The following PDZD2 variants were observed in gnomAD, a reference collection of about 807,000 sequenced individuals.
PDZD2 encodes PDZ domain containing 2, also known as PDZ domain-containing protein 2.
Under a neutral mutation model 220.7 loss-of-function variants are expected in PDZD2, and 90 were observed. The observed-to-expected ratio is 0.41, with a 90% confidence interval of 0.34 to 0.49. The LOEUF is 0.49. Ranked by LOEUF, PDZD2 falls within the 20% of genes least tolerant of loss-of-function variation. The probability of loss-of-function intolerance (pLI) is 0.28; values close to 1 mark genes in which losing one functional copy is unlikely to be tolerated. For synonymous variants in PDZD2, 1,375 were observed against 1,450.5 expected (o/e 0.95, Z 1.18); for missense variants, 3,174 against 3,608.5 (o/e 0.88, Z 3.08).
chr5:32,107,439 A>G (rs1744877342), intron 24 of PDZD2: 2 of 152,324 alleles, frequency 1.3e-5, no homozygotes, highest in South Asian at 4.1e-4. Flanking sequence ...TGCCTGTGGT[A>G]GCAGCTACTC....
intron 2 of PDZD2, chr5:31,843,471 T>G (rs1483901741): frequency 6.6e-6 from 1 of 152,198 alleles, no homozygotes; most frequent in Non-Finnish European, 1.5e-5. Flanking sequence ...TTCACCATGT[T>G]GGCCAGGCTG....
intron 2 of PDZD2, among the ~76,000 whole-genome samples, chr5:31,900,053 A>C (rs920611765): frequency 6.6e-6 from 1 of 152,228 alleles, no homozygotes; most frequent in East Asian, 1.9e-4. Flanking sequence ...GGAAGAATGC[A>C]TATAGAGGCG....
intron 1 of PDZD2, among the ~76,000 whole-genome samples, chr5:31,679,130 G>C (rs1028362978): frequency 4.6e-5 from 7 of 152,164 alleles, no homozygotes; most frequent in Non-Finnish European, 8.8e-5. Context: ...AAGGAGAAAG[G>C]CTCTCTGTTT....
Position 32,061,144 on chromosome 5 carries a change from T to G in PDZD2, c.2451+10T>G. ...GCACCCTAATCCAAAGGTGAGGTGG[T>G]CCACCCTCTTCTGAACGTGGGAAGA... On this transcript the variant is annotated intron_variant, in intron 14 of 24. Transcript: ENST00000438447. 6.2e-7 allele frequency: 1 copy of G among 1,613,698 alleles called. No homozygotes were observed.
intron 2 of PDZD2, among the ~76,000 whole-genome samples, chr5:31,863,915 A>G (rs1268728192): frequency 6.6e-6 from 1 of 152,240 alleles, no homozygotes; most frequent in East Asian, 1.9e-4. Flanking sequence ...CCAAATACAT[A>G]ACAGATATAT....
intron 1 of PDZD2, among the ~76,000 whole-genome samples, chr5:31,745,486 C>G (rs1372203601): frequency 6.6e-6 from 1 of 152,172 alleles, no homozygotes; most frequent in Non-Finnish European, 1.5e-5. Flanking sequence ...CTCCAAGAAG[C>G]TCTCACACAC....
At chr5:31,753,553 G>T (rs1040961371) in intron 1 of PDZD2, among the ~76,000 whole-genome samples, 1 of 152,136 alleles carries the variant, frequency 6.6e-6, no homozygotes, top group Non-Finnish European at 1.5e-5. Flanking sequence ...GTGGGCTGAG[G>T]TTGCACTACT....
intron 1 of PDZD2, among the ~76,000 whole-genome samples, chr5:31,659,996 A>G (rs995713540): frequency 3.3e-5 from 5 of 152,352 alleles, no homozygotes; most frequent in African/African-American, 1.2e-4. Flanking sequence ...GAGAAGAACC[A>G]AAAGCTCAGA....
chr5:31,946,457 C>G (rs1028567999), intron 2 of PDZD2, among the ~76,000 whole-genome samples: 13 of 152,204 alleles, frequency 8.5e-5, no homozygotes, highest in African/African-American at 3.1e-4. Context: ...TGGGTGGGGT[C>G]TAGAGTCATA....
chr5:31,869,024 C>T lies in PDZD2; in HGVS notation c.476+69300C>T, dbSNP rs542362464. Among the ~76,000 whole-genome samples the T allele has an allele frequency of 1.4e-4, 21 of 152,304 alleles. No individual in the cohort carries two copies. In the South Asian group the frequency reaches 1.7e-3, roughly 12 times the overall value. Reference sequence around the variant, plus strand: ...CTGGCCTCAAATGATCTGCCTGCTTCGGCCTCCCAAAGTTCTGGGATTACA... The same window carrying T: ...CTGGCCTCAAATGATCTGCCTGCTTTGGCCTCCCAAAGTTCTGGGATTACA... On this transcript the variant is annotated intron_variant, in intron 2 of 24. Coordinates refer to ENST00000438447, the MANE Select transcript of PDZD2 (RefSeq NM_178140.4).
intron 12 of PDZD2, 74 bp from the exon 13 acceptor site, chr5:32,059,165 C>A: frequency 1.3e-6 from 1 of 771,308 alleles, no homozygotes; most frequent in South Asian, 1.5e-5. Flanking sequence ...AATTCTGTTT[C>A]AAATCAGTTA....
In PDZD2 at chr5:32,057,745, T is replaced by C. The variant is rs755919584; in HGVS notation, c.1974+17T>C. On this transcript the variant is annotated intron_variant, in intron 11 of 24. Transcript: ENST00000438447. ...ACCTTTAAGGTAACAACATTCTTAT[T>C]GATCTCCTTTATCCTATTTTCCTTT... 2 of 1,517,198 alleles carry C rather than the reference T, an allele frequency of 1.3e-6. No homozygotes were observed. Among genetic ancestry groups the C allele is most frequent in the South Asian group, 2.3e-5 (2 of 87,530 alleles). The allele number at this position is 1,517,198 out of a possible 1,614,324, so 94.0% of individuals were successfully genotyped here. A position where few individuals can be genotyped will look rare whatever the true frequency, so the allele number is the denominator to read the frequency against.
chr5:31,839,896 T>A (rs1757162977), intron 2 of PDZD2, among the ~76,000 whole-genome samples: 1 of 152,208 alleles, frequency 6.6e-6, no homozygotes, highest in South Asian at 2.1e-4. Flanking sequence ...TGCCATCATG[T>A]GAAGAAGGAC....
intron 1 of PDZD2, among the ~76,000 whole-genome samples, chr5:31,722,257 C>T (rs902422383): frequency 4.6e-5 from 7 of 152,122 alleles, no homozygotes; most frequent in Admixed American, 1.3e-4. Flanking sequence ...CTCACCACAC[C>T]GCACACTCTG....
At chr5:31,792,055 G>T (rs1416094068) in intron 1 of PDZD2, among the ~76,000 whole-genome samples, 1 of 152,186 alleles carries the variant, frequency 6.6e-6, no homozygotes, top group Non-Finnish European at 1.5e-5. Flanking sequence ...GAACTATGTT[G>T]TATAGCTATC....
rs185981480 is a variant in PDZD2, at chr5:31,729,551, G to A, written c.-360-69338G>A. ...GGTGGGAATGGTGTTTGAACTCAGA[G>A]TGTTCTACTTTCTAGACCTGCCTTT... On this transcript the variant is annotated intron_variant, in intron 1 of 24. Transcript: ENST00000438447. Among the ~76,000 whole-genome samples the A allele has an allele frequency of 1.5e-4, 23 of 152,316 alleles. No individual in the cohort carries two copies. The East Asian group carries it at 4.1e-3, about 27-fold the overall frequency.
At chr5:31,916,771 G>A (rs1013886936) in intron 2 of PDZD2, among the ~76,000 whole-genome samples, 1 of 152,132 alleles carries the variant, frequency 6.6e-6, no homozygotes, top group Non-Finnish European at 1.5e-5. Flanking sequence ...ATTTCATCTA[G>A]CTAGAGGTAA....
chr5:31,970,549 C>G (rs1018096298), intron 2 of PDZD2, among the ~76,000 whole-genome samples: 1 of 151,794 alleles, frequency 6.6e-6, no homozygotes, highest in African/African-American at 2.4e-5. Flanking sequence ...CCAGCTACTC[C>G]AAAGGCTGAG....
chr5:31,704,535 GTTGAC>G (rs1380983029), intron 1 of PDZD2, among the ~76,000 whole-genome samples: 3 of 152,216 alleles, frequency 2.0e-5, no homozygotes, highest in Non-Finnish European at 4.4e-5. Flanking sequence ...ACACGCCACA[GTTGAC>G]TTAACTAGTG....
Sources: allele counts gnomAD v4.1 joint callset (sites outside exome capture counted in the v4.1 genomes callset), GRCh38; gene constraint gnomAD v4.1.1; transcripts MANE v1.5; gene names NCBI Gene and HGNC (gene_info 2026-07-23, HGNC 2026-07-21).